Variants in SKIL observed in about 807,000 individuals in gnomAD.
SKIL encodes SKI like proto-oncogene.
Under a neutral mutation model 69.6 loss-of-function variants are expected in SKIL, and 20 were observed. That is an observed-to-expected ratio of 0.29 (90% CI 0.20 to 0.42). The LOEUF (loss-of-function observed/expected upper bound fraction) is 0.42. Among genes scored for constraint, SKIL ranks in the 10% least tolerant of loss-of-function variants. SKIL has a pLI of 1.00. For synonymous variants in SKIL, 310 were observed against 279.9 expected (o/e 1.11, Z -1.08); for missense variants, 745 against 783.1 (o/e 0.95, Z 0.58).
chr3:170,363,997 C>T (rs1168736680), intron 2 of SKIL, among the ~76,000 whole-genome samples: 1 of 152,150 alleles, frequency 6.6e-6, no homozygotes, highest in Admixed American at 6.5e-5. Context: ...GTCGCCGAGG[C>T]TGGAGTGCAG....
intron 2 of SKIL, among the ~76,000 whole-genome samples, chr3:170,366,055 CTTTT>C (rs753671366): frequency 3.7e-4 from 48 of 128,310 alleles, no homozygotes; most frequent in African/African-American, 1.3e-3. Context: ...TGCGCCTGGC[CTTTT>C]TTTTTTTTTT....
Position 170,384,439 on chromosome 3 carries a change from A to C in SKIL, c.1197-94A>C, listed in dbSNP as rs1489863295. 3 of 591,982 alleles carry C rather than the reference A, an allele frequency of 5.1e-6. No individual in the cohort carries two copies. The Admixed American group carries it at 8.9e-5, about 17-fold the overall frequency. 36.7% of individuals were successfully genotyped at this position (591,982 alleles called of 1,614,324 possible). On this transcript the variant is annotated intron_variant, in intron 3 of 6. Transcript: ENST00000259119. ...TATTGTCTGTTTTGGTTAGAAAAAA[A>C]AAAGTTTAACCACAGAAATGCATGT...
At chr3:170,376,472 G>C (rs1230770647) in intron 2 of SKIL, among the ~76,000 whole-genome samples, 1 of 152,116 alleles carries the variant, frequency 6.6e-6, no homozygotes, top group African/African-American at 2.4e-5. Flanking sequence ...TAAAAGCATT[G>C]TGTTTTTTTA....
At chr3:170,363,486 C>G (rs1736340782) in intron 2 of SKIL, among the ~76,000 whole-genome samples, 1 of 151,828 alleles carries the variant, frequency 6.6e-6, no homozygotes, top group Non-Finnish European at 1.5e-5. Flanking sequence ...TAGTTATTAA[C>G]TGATTTTTTT....
chr3:170,367,172 G>C (rs1050887803), intron 2 of SKIL, among the ~76,000 whole-genome samples: 5 of 150,514 alleles, frequency 3.3e-5, no homozygotes, highest in Admixed American at 3.3e-4. Flanking sequence ...GCAGTGGCGC[G>C]ATGTCAGCTC....
intron 6 of SKIL, among the ~76,000 whole-genome samples, 185 bp downstream of exon 6, chr3:170,391,445 T>C (rs1737913081): frequency 6.6e-6 from 1 of 151,798 alleles, no homozygotes. Flanking sequence ...AGCCTCCTGA[T>C]TGTAGCTGGG....
At chr3:170,376,044 T>C (rs1737015645) in intron 2 of SKIL, among the ~76,000 whole-genome samples, 1 of 40,692 alleles carries the variant, frequency 2.5e-5, no homozygotes, top group East Asian at 4.5e-4. Context: ...TGATTTTCCT[T>C]TTTTTTTTTT....
Position 170,361,011 on chromosome 3 carries a change from A to G in SKIL, c.680A>G (p.Gln227Arg), listed in dbSNP as rs550441150. 1 of 1,614,214 alleles carries G rather than the reference A, an allele frequency of 6.2e-7. No individual in the cohort carries two copies. The highest frequency in any genetic ancestry group is 1.3e-5 in the African/African-American group (1 of 75,048). Residue 227 changes from glutamine (Q) to arginine (R), a missense_variant, in exon 2 of 7, where the codon CAA becomes CGA. Physicochemically the swap from Gln to Arg is conservative, Grantham distance 43 (BLOSUM62 1). Transcript: ENST00000259119. ...SCGLITLTDAQRLCNALLRPR... is the reference protein window; with the variant it reads ...SCGLITLTDARRLCNALLRPR... ...GGGCTGATTACATTAACTGATGCAC[A>G]AAGATTATGTAATGCTTTATTGCGG...
At chr3:170,375,312 G>C (rs917309305) in intron 2 of SKIL, among the ~76,000 whole-genome samples, 3 of 152,174 alleles carry the variant, frequency 2.0e-5, no homozygotes, top group African/African-American at 7.2e-5. Flanking sequence ...GAATGTGCTA[G>C]CAGTTATTTA....
chr3:170,361,495 A>G (rs574860731), intron 2 of SKIL, 66 bp downstream of exon 2: 2 of 1,216,406 alleles, frequency 1.6e-6, no homozygotes, highest in African/African-American at 3.0e-5. Context: ...TTCTATGTTT[A>G]GTGTGTAACT....
Position 170,384,662 on chromosome 3 carries a change from C to T in SKIL, c.1326C>T (p.His442=), listed in dbSNP as rs758986541. The change falls in exon 4 of 7, where the codon CAC becomes CAT. Residue 442 remains histidine, a synonymous_variant. Transcript: ENST00000259119. ...KSISRQSEKA[H]SSGKLQKTVS... is the part of the protein sequence containing the mutation. ...TATCAAGACAGTCAGAGAAGGCTCA[C>T]AGTAGTGGTAAACTTCAAAAAACAG... is the stretch of plus-strand genomic sequence containing the variant. 1.2e-6 allele frequency: 2 copies of T among 1,611,798 alleles called. No homozygotes were observed. The highest frequency in any genetic ancestry group is 1.7e-5 in the Admixed American group (1 of 59,982).
chr3:170,386,420 G>A (rs1737636306), intron 4 of SKIL, among the ~76,000 whole-genome samples: 1 of 152,080 alleles, frequency 6.6e-6, no homozygotes, highest in Non-Finnish European at 1.5e-5. Context: ...GTGAGCCATC[G>A]CGCCCGGCCA....
intron 2 of SKIL, among the ~76,000 whole-genome samples, chr3:170,370,443 C>G (rs1384182676): frequency 5.3e-4 from 4 of 7,500 alleles, no homozygotes; most frequent in African/African-American, 4.0e-3. Context: ...GAGAGAGCCC[C>G]CCCCCCCCCC....
chr3:170,361,465 G>T, intron 2 of SKIL, 36 bp downstream of exon 2: 2 of 1,451,306 alleles, frequency 1.4e-6, no homozygotes, highest in South Asian at 1.4e-5. Flanking sequence ...TAATGGTAAT[G>T]GTTTACTTTG....
At chr3:170,370,158 A>G (rs903359322) in intron 2 of SKIL, among the ~76,000 whole-genome samples, 4 of 152,022 alleles carry the variant, frequency 2.6e-5, no homozygotes, top group South Asian at 4.2e-4. Context: ...AGAATGGCGT[A>G]AACCCGGGAG....
rs942347634 is a variant in SKIL, at chr3:170,396,084, A to C, written c.*3667A>C. The C allele has an allele frequency of 1.3e-5, 2 of 148,482 alleles. No individual in the cohort carries two copies. The highest frequency in any genetic ancestry group is 5.0e-5 in the African/African-American group (2 of 40,234). The allele number at this position is 148,482 out of a possible 1,614,324, so 9.2% of individuals were successfully genotyped here. A position where few individuals can be genotyped will look rare whatever the true frequency, so the allele number is the denominator to read the frequency against. On this transcript the variant is annotated 3_prime_UTR_variant, in exon 7 of 7. Transcript: ENST00000259119. Reference sequence around the variant, plus strand: ...GTATAATGTAATTTGGAGCCTATTTAGTAATAGAATTAAATGTCCTATGTA... The same window carrying C: ...GTATAATGTAATTTGGAGCCTATTTCGTAATAGAATTAAATGTCCTATGTA...
intron 3 of SKIL, 141 bp from the exon 4 acceptor site, chr3:170,384,392 A>T: frequency 1.8e-6 from 1 of 541,142 alleles, no homozygotes; most frequent in Non-Finnish European, 3.3e-6. Flanking sequence ...CTTTACTGTG[A>T]CCTTTATTTT....
chr3:170,391,061 A>C lies in SKIL; in HGVS notation c.1697A>C (p.Lys566Thr). 6.3e-7 allele frequency: 1 copy of C among 1,588,890 alleles called. No individual in the cohort carries two copies. Among genetic ancestry groups the C allele is most frequent in the Non-Finnish European group, 8.6e-7 (1 of 1,159,924 alleles). ...GAAGTAAAAATGTTGAGTAGTTCAAAATCTATGAAGGAACTCACTGAAGAA... is the reference window on the plus strand; with the variant it reads ...GAAGTAAAAATGTTGAGTAGTTCAACATCTATGAAGGAACTCACTGAAGAA... Reference protein sequence around the residue: ...QMEVKMLSSSKSMKELTEEQQ... With the variant: ...QMEVKMLSSSTSMKELTEEQQ... The change falls in exon 6 of 7, where the codon AAA becomes ACA. Residue 566 changes from lysine (K) to threonine (T), a missense_variant. By Grantham distance (78) the Lys-to-Thr change is moderately conservative (BLOSUM62 -1). Transcript: ENST00000259119.
intron 4 of SKIL, 89 bp from the exon 5 acceptor site, chr3:170,390,134 G>A: frequency 1.1e-6 from 1 of 925,146 alleles, no homozygotes; most frequent in Non-Finnish European, 1.7e-6. Flanking sequence ...TAAATGAAAT[G>A]TTTTAAAAAT....
Sources: gnomAD v4.1 joint callset for allele counts (sites outside exome capture counted in the v4.1 genomes callset) on GRCh38, gnomAD v4.1.1 for gene constraint, MANE v1.5 for transcripts, NCBI Gene and HGNC (gene_info 2026-07-23, HGNC 2026-07-21) for gene names.